Variants in EXOC6 observed in about 807,000 individuals in gnomAD.
EXOC6 encodes SEC15-like 1.
Under a neutral mutation model 112.5 loss-of-function variants are expected in EXOC6, and 60 were observed. The ratio of observed to expected loss-of-function variants is 0.53; its 90% CI spans 0.43 to 0.66. EXOC6 has a LOEUF of 0.66. Among genes scored for constraint, EXOC6 ranks in the 30% least tolerant of loss-of-function variants. EXOC6 has a pLI of 0.00. For missense variants in EXOC6, 855 were observed against 957.1 expected (o/e 0.89, Z 1.41); for synonymous variants, 295 against 308.0 (o/e 0.96, Z 0.44).
chr10:92,999,257 G>C (rs1370776247), intron 19 of EXOC6: 1 of 369,220 alleles, frequency 2.7e-6, no homozygotes, highest in Admixed American at 3.7e-5. Flanking sequence ...CAGATGAGGT[G>C]TTGCTGTGTT....
At chr10:92,974,280 T>A in intron 18 of EXOC6, 48 bp downstream of exon 18, 1 of 1,318,760 alleles carries the variant, frequency 7.6e-7, no homozygotes, top group Non-Finnish European at 1.0e-6. Flanking sequence ...CTTACTAAAG[T>A]ATATTTTAGA....
At chr10:93,053,859 A>C (rs1482775902) in intron 20 of EXOC6, among the ~76,000 whole-genome samples, 1 of 152,196 alleles carries the variant, frequency 6.6e-6, no homozygotes, top group Non-Finnish European at 1.5e-5. Context: ...AAAAATCCTT[A>C]CACACATGAA....
intron 18 of EXOC6, among the ~76,000 whole-genome samples, chr10:92,988,780 A>G (rs1843110310): frequency 6.7e-6 from 1 of 148,878 alleles, no homozygotes; most frequent in African/African-American, 2.5e-5. Flanking sequence ...GACATGACAA[A>G]ACCCCATCTC....
intron 13 of EXOC6, among the ~76,000 whole-genome samples, chr10:92,942,459 A>G (rs960245473): frequency 6.6e-6 from 1 of 152,154 alleles, no homozygotes; most frequent in Non-Finnish European, 1.5e-5. Flanking sequence ...AATCAACTAA[A>G]CAAATCCTTA....
At chr10:92,884,909 C>A (rs1335398535) in intron 1 of EXOC6, among the ~76,000 whole-genome samples, 3 of 151,940 alleles carry the variant, frequency 2.0e-5, no homozygotes, top group African/African-American at 2.4e-5. Context: ...AATTTGATTA[C>A]TAAGTCATTT....
chr10:92,921,585 A>G lies in EXOC6; in HGVS notation c.888+1535A>G, dbSNP rs568341601. 4.0e-5 allele frequency among the ~76,000 whole-genome samples: 6 copies of G among 151,176 alleles called. 1 individual carries two copies. The highest frequency in any genetic ancestry group is 4.2e-4 in the South Asian group (2 of 4,780). The stretch of plus-strand genomic sequence containing the variant: ...ATTAGCCCTGAGGATTGCAATTAAC[A>G]TCTTACTTTAAAACAATTCAGTTAG... On this transcript the variant is annotated intron_variant, in intron 8 of 21. Transcript: ENST00000260762.
intron 1 of EXOC6, chr10:92,834,962 G>T (rs752738363): frequency 2.2e-6 from 1 of 450,796 alleles, no homozygotes; most frequent in Non-Finnish European, 4.0e-6. Flanking sequence ...TAATCTCAAA[G>T]TTTTCTTATC....
At chr10:92,979,029 G>A (rs1488079223) in intron 18 of EXOC6, among the ~76,000 whole-genome samples, 1 of 152,178 alleles carries the variant, frequency 6.6e-6, no homozygotes, top group Non-Finnish European at 1.5e-5. Flanking sequence ...GATTTTCTGG[G>A]ATAGAGGTGA....
chr10:93,017,291 T>TA lies in EXOC6; in HGVS notation c.2169+3029dup. Among the ~76,000 whole-genome samples, 3 of 151,788 alleles carry TA rather than the reference T, an allele frequency of 2.0e-5. No individual in the cohort carries two copies. In the South Asian group the frequency reaches 6.3e-4, roughly 32 times the overall value. On this transcript the variant is annotated intron_variant, in intron 20 of 21. Coordinates refer to ENST00000260762, the MANE Select transcript of EXOC6 (RefSeq NM_019053.6). Reference sequence around the variant, plus strand: ...GGAGGGTGGGAGAAGGGATGAGAGATAAAAACTACATATTGGGGGCTGGGC... The same window carrying TA: ...GGAGGGTGGGAGAAGGGATGAGAGATAAAAAACTACATATTGGGGGCTGGGC...
intron 20 of EXOC6, among the ~76,000 whole-genome samples, chr10:93,031,285 A>G (rs1005116961): frequency 6.6e-6 from 1 of 152,090 alleles, no homozygotes; most frequent in Non-Finnish European, 1.5e-5. Flanking sequence ...TACCCTGCAC[A>G]TGAATCTTTT....
At chr10:92,849,695 A>T (rs1441528873) in intron 1 of EXOC6, among the ~76,000 whole-genome samples, 1 of 152,216 alleles carries the variant, frequency 6.6e-6, no homozygotes, top group Non-Finnish European at 1.5e-5. Flanking sequence ...AGCCAGTTCA[A>T]GTTATGTAAA....
Position 92,910,438 on chromosome 10 carries a change from T to G in EXOC6, c.663+807T>G, listed in dbSNP as rs1167591600. 2.0e-5 allele frequency among the ~76,000 whole-genome samples: 3 copies of G among 152,026 alleles called. No homozygotes were observed. The East Asian group carries it at 5.8e-4, about 29-fold the overall frequency. On this transcript the variant is annotated intron_variant, in intron 6 of 21. Transcript: ENST00000260762. ...AGCAGGTAGACTAAGATGGAAAAAA[T>G]CAGAACAGTGGTTACCTCTGGGTGG...
intron 18 of EXOC6, among the ~76,000 whole-genome samples, chr10:92,984,885 G>C (rs1315233693): frequency 2.0e-5 from 3 of 152,062 alleles, no homozygotes; most frequent in Admixed American, 6.5e-5. Flanking sequence ...TGTAGTCCCA[G>C]CTACTTGGGA....
In EXOC6 at chr10:92,997,629, T is replaced by C; in HGVS notation, c.2095+14T>C. ...TACAGTGTGAATGTAAGTACTATATTGGTTTATTCTTATGTATTACTAGGA... is the reference window on the plus strand; with the variant it reads ...TACAGTGTGAATGTAAGTACTATATCGGTTTATTCTTATGTATTACTAGGA... On this transcript the variant is annotated intron_variant, in intron 19 of 21. Coordinates refer to ENST00000260762, the MANE Select transcript of EXOC6 (RefSeq NM_019053.6). The C allele has an allele frequency of 6.3e-7, 1 of 1,576,914 alleles. No homozygotes were observed. The highest frequency in any genetic ancestry group is 8.6e-7 in the Non-Finnish European group (1 of 1,160,696).
chr10:93,046,184 T>TA (rs1366695136), intron 20 of EXOC6, among the ~76,000 whole-genome samples: 1 of 152,190 alleles, frequency 6.6e-6, no homozygotes, highest in African/African-American at 2.4e-5. Context: ...ATACAGATAC[T>TA]AAGCAAAACA....
At chr10:92,945,442 A>G (rs917828829) in intron 13 of EXOC6, among the ~76,000 whole-genome samples, 1 of 152,132 alleles carries the variant, frequency 6.6e-6, no homozygotes, top group African/African-American at 2.4e-5. Context: ...AAAAATCATT[A>G]TCTAGACCAA....
intron 1 of EXOC6, among the ~76,000 whole-genome samples, chr10:92,853,422 G>A (rs1305968602): frequency 6.6e-6 from 1 of 152,140 alleles, no homozygotes; most frequent in African/African-American, 2.4e-5. Context: ...GAAATGTAAA[G>A]GACCTAGATT....
At chr10:92,998,058 A>G (rs1198703572) in intron 19 of EXOC6, among the ~76,000 whole-genome samples, 6 of 152,090 alleles carry the variant, frequency 3.9e-5, no homozygotes, top group Non-Finnish European at 8.8e-5. Flanking sequence ...TCCTTTCCTT[A>G]GATTTCACAA....
intron 20 of EXOC6, among the ~76,000 whole-genome samples, chr10:93,014,780 A>G (rs1344732453): frequency 1.3e-5 from 2 of 152,300 alleles, no homozygotes; most frequent in South Asian, 2.1e-4. Flanking sequence ...CATTTACACA[A>G]TTCTTTTCTG....
Sources: allele counts gnomAD v4.1 joint callset (sites outside exome capture counted in the v4.1 genomes callset), GRCh38; gene constraint gnomAD v4.1.1; transcripts MANE v1.5; gene names NCBI Gene and HGNC (gene_info 2026-07-23, HGNC 2026-07-21).